Variants in SPOCK1 observed in about 807,000 individuals in gnomAD.
SPOCK1 encodes the protein SPARC (osteonectin), cwcv and kazal like domains proteoglycan 1, also known as testican-1.
Under a neutral mutation model 55.3 loss-of-function variants are expected in SPOCK1, and 23 were observed. That is an observed-to-expected ratio of 0.42 (90% confidence interval 0.30 to 0.59). The LOEUF is 0.59. Among genes scored for constraint, SPOCK1 ranks in the 20% least tolerant of loss-of-function variants. SPOCK1 has a pLI of 0.22. For missense variants in SPOCK1, 499 were observed against 552.5 expected (o/e 0.90, Z 0.97); for synonymous variants, 226 against 221.0 (o/e 1.02, Z -0.20).
chr5:137,122,102 G>T (rs950910011), intron 4 of SPOCK1, among the ~76,000 whole-genome samples: 2 of 151,898 alleles, frequency 1.3e-5, no homozygotes, highest in Non-Finnish European at 2.9e-5. Flanking sequence ...ACTGCAGTCT[G>T]CACTTTCCAT....
At chr5:136,986,374 CAT>C (rs745927220) in intron 8 of SPOCK1, among the ~76,000 whole-genome samples, 20 of 152,236 alleles carry the variant, frequency 1.3e-4, no homozygotes, top group South Asian at 8.3e-4. Context: ...CTAAAAATCA[CAT>C]GTTACAATAC....
intron 6 of SPOCK1, among the ~76,000 whole-genome samples, chr5:137,035,876 G>T (rs1353992980): frequency 1.3e-5 from 2 of 152,194 alleles, no homozygotes; most frequent in African/African-American, 4.8e-5. Context: ...GGGTTGCATT[G>T]TCTCTCTGTT....
At chr5:137,287,687 A>G (rs1757294957) in intron 2 of SPOCK1, among the ~76,000 whole-genome samples, 2 of 152,220 alleles carry the variant, frequency 1.3e-5, no homozygotes, top group African/African-American at 4.8e-5. Context: ...GCTCCCTGCA[A>G]TTACTAAGCT....
intron 6 of SPOCK1, among the ~76,000 whole-genome samples, chr5:137,019,811 G>C (rs559700250): frequency 5.3e-5 from 8 of 151,954 alleles, no homozygotes; most frequent in African/African-American, 1.7e-4. Context: ...CAAAGGAAAA[G>C]GAAAATATGT....
chr5:137,109,572 C>T (rs1753429236), intron 5 of SPOCK1, among the ~76,000 whole-genome samples: 1 of 152,176 alleles, frequency 6.6e-6, no homozygotes, highest in Non-Finnish European at 1.5e-5. Context: ...CCGAGTATCC[C>T]TCCAGCCTGG....
Position 137,051,303 on chromosome 5 carries a change from G to A in SPOCK1, c.589+16412C>T, listed in dbSNP as rs764945400. ...TCCTCAAAAAATCTTTCCCAAACAT[G>A]AGGTATGATAGCAGAGAAAAGAAAA... On this transcript the variant is annotated intron_variant, in intron 6 of 10. Coordinates refer to ENST00000394945, the MANE Select transcript of SPOCK1 (RefSeq NM_004598.4). 4.5e-4 allele frequency among the ~76,000 whole-genome samples: 68 copies of A among 152,292 alleles called. 1 individual carries two copies. The highest frequency in any genetic ancestry group is 7.2e-4 in the Admixed American group (11 of 15,302).
chr5:137,076,411 AAGGT>A (rs1752761087), intron 5 of SPOCK1, among the ~76,000 whole-genome samples: 1 of 152,170 alleles, frequency 6.6e-6, no homozygotes, highest in African/African-American at 2.4e-5. Flanking sequence ...AACCCATCTT[AAGGT>A]AAAAATAATC....
chr5:137,443,753 C>A (rs1382028432), intron 2 of SPOCK1, among the ~76,000 whole-genome samples: 2 of 152,188 alleles, frequency 1.3e-5, no homozygotes, highest in African/African-American at 4.8e-5. Flanking sequence ...CACTATCTTA[C>A]CCCGTTGTAT....
intron 6 of SPOCK1, among the ~76,000 whole-genome samples, chr5:137,025,690 G>A (rs1370772212): frequency 1.3e-5 from 2 of 152,090 alleles, no homozygotes; most frequent in Non-Finnish European, 1.5e-5. Flanking sequence ...ACAAAACAAG[G>A]AAGGACAAAG....
intron 2 of SPOCK1, among the ~76,000 whole-genome samples, chr5:137,272,686 G>T (rs1222122311): frequency 6.6e-6 from 1 of 151,886 alleles, no homozygotes; most frequent in Non-Finnish European, 1.5e-5. Context: ...CAGAGCCTGG[G>T]AGTTGTCTGC....
chr5:137,092,596 C>T (rs1029722387), intron 5 of SPOCK1, among the ~76,000 whole-genome samples: 1 of 152,210 alleles, frequency 6.6e-6, no homozygotes, highest in African/African-American at 2.4e-5. Context: ...ATACATCTCC[C>T]CTTCTGAACT....
At chr5:137,154,735 G>A (rs570983690) in intron 3 of SPOCK1, among the ~76,000 whole-genome samples, 4 of 152,284 alleles carry the variant, frequency 2.6e-5, no homozygotes, top group African/African-American at 9.6e-5. Context: ...GACCCATGGG[G>A]CTGCTTCAAC....
At chr5:137,496,086 T>C (rs534168883) in intron 2 of SPOCK1, among the ~76,000 whole-genome samples, 1 of 152,356 alleles carries the variant, frequency 6.6e-6, no homozygotes, top group East Asian at 1.9e-4. Flanking sequence ...CTTTTTGTTA[T>C]GTCTTGGACA....
At chr5:137,382,551 G>A (rs900550615) in intron 2 of SPOCK1, among the ~76,000 whole-genome samples, 2 of 152,182 alleles carry the variant, frequency 1.3e-5, no homozygotes, top group Admixed American at 1.3e-4. Flanking sequence ...TGACTGGGAG[G>A]CCTCAGGAAA....
At chr5:137,129,688 T>C (rs1753838934) in intron 4 of SPOCK1, among the ~76,000 whole-genome samples, 1 of 152,242 alleles carries the variant, frequency 6.6e-6, no homozygotes, top group Middle Eastern at 3.4e-3. Flanking sequence ...TCTGAAGATA[T>C]CTCAAAAGAT....
At chr5:137,230,147 C>G (rs1756023793) in intron 3 of SPOCK1, among the ~76,000 whole-genome samples, 1 of 152,240 alleles carries the variant, frequency 6.6e-6, no homozygotes, top group African/African-American at 2.4e-5. Context: ...AACAACCTAA[C>G]ATAAACTCAG....
chr5:137,335,587 G>A (rs1388392827), intron 2 of SPOCK1, among the ~76,000 whole-genome samples: 3 of 152,142 alleles, frequency 2.0e-5, no homozygotes, highest in Admixed American at 1.3e-4. Context: ...ACTGCTTACG[G>A]CCTCTGCAAT....
intron 5 of SPOCK1, among the ~76,000 whole-genome samples, chr5:137,076,933 T>TC (rs1464617255): frequency 6.6e-6 from 1 of 152,088 alleles, no homozygotes; most frequent in Admixed American, 6.6e-5. Flanking sequence ...ATTTAAAATT[T>TC]TTTTTTTTGA....
intron 3 of SPOCK1, among the ~76,000 whole-genome samples, chr5:137,194,555 G>A (rs6860189): frequency 6.6e-6 from 1 of 151,938 alleles, no homozygotes; most frequent in Non-Finnish European, 1.5e-5. Context: ...CCTGTGCCAC[G>A]CTATGCTGGG....
Sources: gnomAD v4.1 joint callset for allele counts (sites outside exome capture counted in the v4.1 genomes callset) on GRCh38, gnomAD v4.1.1 for gene constraint, MANE v1.5 for transcripts, NCBI Gene and HGNC (gene_info 2026-07-23, HGNC 2026-07-21) for gene names.